EQTN: variants seen among roughly 807,000 people sequenced by gnomAD.
The protein encoded by EQTN is Acrosome formation associated factor.
EQTN carries 29 observed loss-of-function variants against 26.9 expected under a neutral mutation model. That is an observed-to-expected ratio of 1.08 (90% CI 0.80 to 1.47). The LOEUF is 1.47. Ranked by LOEUF, EQTN falls within the 40% of genes most tolerant of loss-of-function variation. The pLI, the probability that EQTN is intolerant of heterozygous loss-of-function variation, is 0.00. For missense variants in EQTN, 391 were observed against 346.1 expected, an observed-to-expected ratio of 1.13 and a Z score of -1.03; for synonymous variants, 129 against 120.0, an observed-to-expected ratio of 1.07 and a Z score of -0.49.
At chr9:27,291,145 T>C in intron 4 of EQTN, 82 bp from the exon 5 acceptor site, 1 of 1,275,896 alleles carries the variant, frequency 7.8e-7, no homozygotes. Flanking sequence ...GAACATTCGT[T>C]TGTTAGTCAT....
rs578019609 is a variant in EQTN at position 27,294,471 on chromosome 9, C to G, written c.203-69G>C. 4 of 922,598 alleles carry G rather than the reference C, an allele frequency of 4.3e-6. No individual in the cohort carries two copies. In the Admixed American group the frequency reaches 8.1e-5, roughly 19 times the overall value. 57.2% of individuals were successfully genotyped at this position (922,598 alleles called of 1,614,324 possible). A position where few individuals can be genotyped will look rare whatever the true frequency, so the allele number is the denominator to read the frequency against. ...TTTTTTCCTTTACCTTTTTCTTCCT[C>G]TGAGTTTTTTTCTTAAAACATGCAC... On this transcript the variant is annotated intron_variant, in intron 2 of 7. Transcript: ENST00000380032.
chr9:27,286,232 T>C lies in EQTN; in HGVS notation c.612A>G (p.Thr204=), dbSNP rs1820118082. Reference sequence around the variant, plus strand: ...ACCTCAGATGCCTCAGTTTGTACAGTGTAGCACTACAGAATGCCAAGAGGA... The same window carrying C: ...ACCTCAGATGCCTCAGTTTGTACAGCGTAGCACTACAGAATGCCAAGAGGA... ...FVVLLAFCSA[T]LYKLRHLSYK... is the part of the protein sequence containing the mutation. The change falls in exon 7 of 8, where the codon ACA becomes ACG. Residue 204 remains threonine, a synonymous_variant. Transcript: ENST00000380032. 5.6e-6 allele frequency: 9 copies of C among 1,614,048 alleles called. No individual in the cohort carries two copies. Among genetic ancestry groups the C allele is most frequent in the Non-Finnish European group, 7.6e-6 (9 of 1,179,982 alleles).
chr9:27,292,528 TG>T, intron 3 of EQTN, 41 bp from the exon 4 acceptor site: 1 of 1,200,274 alleles, frequency 8.3e-7, no homozygotes, highest in South Asian at 1.3e-5. Flanking sequence ...GTAAAAATAC[TG>T]ACGAAACATC....
At chr9:27,295,846 A>AAAC (rs1563833660) in intron 2 of EQTN, among the ~76,000 whole-genome samples, 6 of 151,398 alleles carry the variant, frequency 4.0e-5, no homozygotes, top group African/African-American at 1.5e-4. Context: ...AAAAAAAAAA[A>AAAC]AAAAAAAACA....
intron 6 of EQTN, among the ~76,000 whole-genome samples, chr9:27,288,427 T>G (rs1241043836): frequency 6.6e-6 from 1 of 151,988 alleles, no homozygotes; most frequent in Non-Finnish European, 1.5e-5. Flanking sequence ...CTTCCCACCT[T>G]GCCCTCCCAA....
intron 2 of EQTN, among the ~76,000 whole-genome samples, chr9:27,296,330 A>C (rs1820342694): frequency 6.6e-6 from 1 of 152,186 alleles, no homozygotes; most frequent in Non-Finnish European, 1.5e-5. Flanking sequence ...CGATACAATA[A>C]AATAAAATAA....
Position 27,296,748 on chromosome 9 carries a change from A to C in EQTN, c.77-10T>G. 6.2e-7 allele frequency: 1 copy of C among 1,600,806 alleles called. No homozygotes were observed. The highest frequency in any genetic ancestry group is 8.5e-7 in the Non-Finnish European group (1 of 1,176,946). ...AGCACATTAGGCAATGCTAAAAAAA[A>C]GTATCACACACCATAGATCAGAAAT... On this transcript the variant is annotated splice_polypyrimidine_tract_variant and intron_variant, in intron 1 of 7. Coordinates refer to ENST00000380032, the MANE Select transcript of EQTN (RefSeq NM_020641.3).
chr9:27,287,263 A>G lies in EQTN; in HGVS notation c.482-901T>C, dbSNP rs1467044083. Among the ~76,000 whole-genome samples, 3 of 152,346 alleles carry G rather than the reference A, an allele frequency of 2.0e-5. No homozygotes were observed. In the East Asian group the frequency reaches 5.8e-4, roughly 29 times the overall value. ...CTATATTCTCTGATTTTAAAAAATTATAATTGTCAGTGTGTGACCTTAGAC... is the reference window on the plus strand; with the variant it reads ...CTATATTCTCTGATTTTAAAAAATTGTAATTGTCAGTGTGTGACCTTAGAC... On this transcript the variant is annotated intron_variant, in intron 6 of 7. Coordinates refer to ENST00000380032, the MANE Select transcript of EQTN (RefSeq NM_020641.3).
At chr9:27,292,039 A>C (rs1820245103) in intron 4 of EQTN, 1 of 153,242 alleles carries the variant, frequency 6.5e-6, no homozygotes, top group Non-Finnish European at 1.5e-5. Context: ...TTTATTCCTC[A>C]AGCAGGCAGA....
intron 3 of EQTN, 74 bp downstream of exon 3, chr9:27,294,242 A>T: frequency 1.0e-6 from 1 of 991,776 alleles, no homozygotes; most frequent in Non-Finnish European, 1.5e-6. Flanking sequence ...TTTCTCCCCA[A>T]CAGTCTCTTA....
At chr9:27,289,545 T>C (rs1461042353) in intron 6 of EQTN, 127 bp downstream of exon 6, 7 of 608,464 alleles carry the variant, frequency 1.2e-5, no homozygotes, top group African/African-American at 9.4e-5. Flanking sequence ...GAAAAGGTTT[T>C]TGTCATGTTG....
intron 1 of EQTN, 115 bp from the exon 2 acceptor site, chr9:27,296,853 A>G: frequency 6.4e-7 from 1 of 1,557,118 alleles, no homozygotes; most frequent in Non-Finnish European, 8.6e-7. Flanking sequence ...TAAAATCTAA[A>G]ACATACCATA....
chr9:27,294,501 T>TA (rs1212247187), intron 2 of EQTN, 99 bp from the exon 3 acceptor site: 101 of 541,120 alleles, frequency 1.9e-4, no homozygotes, highest in South Asian at 2.3e-4. Flanking sequence ...ATGCACTAAT[T>TA]AAAAAAAAAT....
chr9:27,287,034 A>G (rs1036737687), intron 6 of EQTN, among the ~76,000 whole-genome samples: 7 of 152,198 alleles, frequency 4.6e-5, no homozygotes, highest in Admixed American at 3.9e-4. Flanking sequence ...AACTAAATCT[A>G]TTAATGAAAT....
At chr9:27,290,471 T>A (rs1056512440) in intron 5 of EQTN, among the ~76,000 whole-genome samples, 1 of 152,182 alleles carries the variant, frequency 6.6e-6, no homozygotes, top group Admixed American at 6.5e-5. Context: ...AATATGCAAA[T>A]AATGATCAAC....
chr9:27,293,453 C>T (rs1378305196), intron 3 of EQTN, among the ~76,000 whole-genome samples: 1 of 152,194 alleles, frequency 6.6e-6, no homozygotes, highest in Non-Finnish European at 1.5e-5. Flanking sequence ...GCTTGCTCCT[C>T]TAGAACGTCC....
At chr9:27,286,480 C>T in intron 6 of EQTN, 118 bp from the exon 7 acceptor site, 1 of 964,430 alleles carries the variant, frequency 1.0e-6, no homozygotes, top group Non-Finnish European at 1.5e-6. Context: ...TATTAACTGG[C>T]CGGTCTCCCA....
Position 27,286,204 on chromosome 9 carries a change from C to T in EQTN, c.635+5G>A. 1 of 1,613,502 alleles carries T rather than the reference C, an allele frequency of 6.2e-7. No individual in the cohort carries two copies. Among genetic ancestry groups the T allele is most frequent in the Non-Finnish European group, 8.5e-7 (1 of 1,179,652 alleles). On this transcript the variant is annotated splice_donor_5th_base_variant and intron_variant, in intron 7 of 7. Coordinates refer to ENST00000380032, the MANE Select transcript of EQTN (RefSeq NM_020641.3). ...TGTAAAGACTGCAGAGGTCTGCAGA[C>T]TTACCTCAGATGCCTCAGTTTGTAC...
chr9:27,289,604 C>A lies in EQTN; in HGVS notation c.481+68G>T, dbSNP rs532550203. On this transcript the variant is annotated intron_variant, in intron 6 of 7. Transcript: ENST00000380032. ...GACTCAAGCGATCCACCTGCCTCAG[C>A]CTCCCAAAGTGCTGGGATTATAGGC... 3 of 1,347,064 alleles carry A rather than the reference C, an allele frequency of 2.2e-6. No individual in the cohort carries two copies. In the East Asian group the frequency reaches 7.3e-5, roughly 33 times the overall value. The allele number at this position is 1,347,064 out of a possible 1,614,324, so 83.4% of individuals were successfully genotyped here.
Sources: allele counts gnomAD v4.1 joint callset (sites outside exome capture counted in the v4.1 genomes callset), GRCh38; gene constraint gnomAD v4.1.1; transcripts MANE v1.5; gene names NCBI Gene and HGNC (gene_info 2026-07-23, HGNC 2026-07-21).